Variants in TTC28 observed in about 807,000 individuals in gnomAD.
The protein encoded by TTC28 is tetratricopeptide repeat domain 28.
In TTC28, 61 loss-of-function variants were observed where a neutral mutation model predicts 198.0. The observed-to-expected ratio is 0.31, with a 90% confidence interval of 0.25 to 0.38. The LOEUF (loss-of-function observed/expected upper bound fraction) is 0.38, where lower values mean the gene tolerates loss of function less well. TTC28 is among the 10% of genes least tolerant of loss of function. The probability of loss-of-function intolerance (pLI) is 1.00; values close to 1 mark genes in which losing one functional copy is unlikely to be tolerated. For synonymous variants in TTC28, 1,171 were observed against 1,297.8 expected (o/e 0.90, Z 2.10); for missense variants, 2,678 against 3,164.0 (o/e 0.85, Z 3.69).
At chr22:28,678,897 C>T (rs2052044255) in intron 1 of TTC28, among the ~76,000 whole-genome samples, 2 of 152,300 alleles carry the variant, frequency 1.3e-5, no homozygotes, top group Admixed American at 6.5e-5. Context: ...TCAAAATCGG[C>T]TTCCCTGCTG....
chr22:28,458,697 C>T (rs1037840661), intron 2 of TTC28, among the ~76,000 whole-genome samples: 11 of 151,710 alleles, frequency 7.3e-5, no homozygotes, highest in Admixed American at 4.6e-4. Context: ...CTGGCTAACA[C>T]GGTGAAACCC....
intron 2 of TTC28, among the ~76,000 whole-genome samples, chr22:28,399,343 G>C (rs1160881841): frequency 7.5e-6 from 1 of 133,318 alleles, no homozygotes; most frequent in Admixed American, 8.2e-5. Flanking sequence ...TTTTGAGACA[G>C]GCTTGCTCTG....
At chr22:28,179,916 G>A (rs1414916439) in intron 5 of TTC28, among the ~76,000 whole-genome samples, 1 of 152,018 alleles carries the variant, frequency 6.6e-6, no homozygotes, top group East Asian at 1.9e-4. Context: ...ACAGGTTTCT[G>A]GATGATAAAA....
chr22:28,176,476 G>A (rs1404687704), intron 5 of TTC28, among the ~76,000 whole-genome samples: 1 of 152,152 alleles, frequency 6.6e-6, no homozygotes, highest in African/African-American at 2.4e-5. Flanking sequence ...CAATTAGATG[G>A]GAGGAATAAA....
In TTC28 at chr22:28,478,050, T is replaced by C. The variant is rs918775224; in HGVS notation, c.381+151502A>G. Among the ~76,000 whole-genome samples the C allele has an allele frequency of 2.0e-5, 3 of 152,314 alleles. No individual in the cohort carries two copies. The South Asian group carries it at 6.2e-4, about 32-fold the overall frequency. On this transcript the variant is annotated intron_variant, in intron 2 of 22. Transcript: ENST00000397906. ...CCTAGACTTCATGATTATTCTTGTA[T>C]ACCTCTCAAGTTTTGTGGATGTTTG...
At chr22:28,325,065 T>C (rs574239042) in intron 2 of TTC28, among the ~76,000 whole-genome samples, 1 of 38,402 alleles carries the variant, frequency 2.6e-5, no homozygotes, top group African/African-American at 6.8e-5. Context: ...CAGCTCCTCC[T>C]TGTACTCTGG....
chr22:28,191,010 C>A (rs1341041565), intron 5 of TTC28, among the ~76,000 whole-genome samples: 1 of 152,150 alleles, frequency 6.6e-6, no homozygotes, highest in Non-Finnish European at 1.5e-5. Flanking sequence ...GAATCTAACC[C>A]CTAGGCCTGG....
chr22:28,210,463 A>C (rs1388287004), intron 5 of TTC28, among the ~76,000 whole-genome samples: 2 of 152,164 alleles, frequency 1.3e-5, no homozygotes, highest in African/African-American at 4.8e-5. Context: ...TGGAGCTGAA[A>C]ACCATGGCAT....
intron 12 of TTC28, among the ~76,000 whole-genome samples, chr22:28,032,397 C>T (rs1193220158): frequency 6.6e-6 from 1 of 150,454 alleles, no homozygotes; most frequent in Non-Finnish European, 1.5e-5. Context: ...ACATTGATGA[C>T]TGGTAAAGTC....
chr22:28,214,971 C>T (rs555169892), intron 5 of TTC28, among the ~76,000 whole-genome samples: 220 of 152,246 alleles, frequency 1.4e-3, no homozygotes, highest in African/African-American at 4.9e-3. Flanking sequence ...GATGAGTTCA[C>T]GTCCTTCGTA....
chr22:28,083,836 C>T (rs555783911), intron 12 of TTC28, among the ~76,000 whole-genome samples: 68 of 152,348 alleles, frequency 4.5e-4, no homozygotes, highest in Admixed American at 9.1e-4. Context: ...TTCCAATAGG[C>T]TTAACAAATG....
At chr22:28,248,874 A>G (rs932321053) in intron 5 of TTC28, among the ~76,000 whole-genome samples, 1 of 152,094 alleles carries the variant, frequency 6.6e-6, no homozygotes, top group Admixed American at 6.6e-5. Flanking sequence ...GTATTGGGGC[A>G]TTTAGCAGGG....
intron 2 of TTC28, among the ~76,000 whole-genome samples, chr22:28,615,799 TG>T: frequency 2.8e-5 from 1 of 35,152 alleles, no homozygotes; most frequent in South Asian, 1.2e-3. Flanking sequence ...TGTAGGGGGG[TG>T]GGGGGCTAGG....
intron 2 of TTC28, among the ~76,000 whole-genome samples, chr22:28,401,278 T>C (rs1384416083): frequency 1.3e-5 from 2 of 152,098 alleles, no homozygotes; most frequent in African/African-American, 4.8e-5. Flanking sequence ...AGCTGAACTA[T>C]TTTCAGTGGG....
chr22:28,034,954 T>C (rs984576954), intron 12 of TTC28, among the ~76,000 whole-genome samples: 5 of 152,270 alleles, frequency 3.3e-5, no homozygotes, highest in Non-Finnish European at 7.4e-5. Context: ...GAGATGGAAA[T>C]GGCTCATGAA....
chr22:28,215,079 C>T (rs545888658), intron 5 of TTC28, among the ~76,000 whole-genome samples: 1 of 151,964 alleles, frequency 6.6e-6, no homozygotes, highest in Non-Finnish European at 1.5e-5. Context: ...GGGAACTGAA[C>T]AATGAGAACA....
chr22:28,437,981 C>T (rs1470411228), intron 2 of TTC28, among the ~76,000 whole-genome samples: 1 of 152,074 alleles, frequency 6.6e-6, no homozygotes, highest in Non-Finnish European at 1.5e-5. Context: ...CCCCCAAGGC[C>T]AAGAGTCAAG....
chr22:28,001,728 A>T, intron 14 of TTC28, 175 bp from the exon 15 acceptor site: 1 of 692,910 alleles, frequency 1.4e-6, no homozygotes, highest in Non-Finnish European at 2.4e-6. Flanking sequence ...AGCGGCACCA[A>T]CTGGCATGCT....
At position 28,097,556 on chromosome 22, in the gene TTC28, T is replaced by C. The variant is rs1263906564; in HGVS notation, c.3548-1148A>G. Among the ~76,000 whole-genome samples the C allele has an allele frequency of 7.9e-5, 12 of 152,216 alleles. No homozygotes were observed. In the East Asian group the frequency reaches 2.3e-3, roughly 29 times the overall value. ...GTCTATAATCTAGTTTAAAAGCTAA[T>C]GTACCAATCTGAAACCACAAAAAAT... On this transcript the variant is annotated intron_variant, in intron 10 of 22. Coordinates refer to ENST00000397906, the MANE Select transcript of TTC28 (RefSeq NM_001145418.2).
Sources: gnomAD v4.1 joint callset for allele counts (sites outside exome capture counted in the v4.1 genomes callset) on GRCh38, gnomAD v4.1.1 for gene constraint, MANE v1.5 for transcripts, NCBI Gene and HGNC (gene_info 2026-07-23, HGNC 2026-07-21) for gene names.